The following DNAJC13 variants were observed in gnomAD, a reference collection of about 807,000 sequenced individuals.
DNAJC13 encodes DnaJ heat shock protein family (Hsp40) member C13.
Under a neutral mutation model 290.5 loss-of-function variants are expected in DNAJC13, and 75 were observed. The ratio of observed to expected loss-of-function variants is 0.26; its 90% CI spans 0.21 to 0.31. DNAJC13 has a LOEUF of 0.31. Among genes scored for constraint, DNAJC13 ranks in the 10% least tolerant of loss-of-function variants. The probability of loss-of-function intolerance (pLI) is 1.00; values close to 1 mark genes in which losing one functional copy is unlikely to be tolerated. For synonymous variants in DNAJC13, 862 were observed against 892.0 expected (o/e 0.97, Z 0.60); for missense variants, 2,260 against 2,674.5 (o/e 0.85, Z 3.42).
chr3:132,500,899 C>T lies in DNAJC13; in HGVS notation c.4522C>T (p.Leu1508=), dbSNP rs917186066. The change falls in exon 39 of 56, where the codon CTA becomes TTA. Residue 1508 remains leucine, a synonymous_variant. Transcript: ENST00000260818. ...CATCATCAAGGATCTCTGTCGGGTA[C>T]TATATTTTGGCAAGGTAGGGTTAAT... ...PSIIKDLCRV[L]YFGKSIPRVA... is the part of the protein sequence containing the mutation. 4.3e-6 allele frequency: 7 copies of T among 1,613,720 alleles called. No homozygotes were observed. The African/African-American group carries it at 5.3e-5, about 12-fold the overall frequency.
chr3:132,492,295 G>T, intron 32 of DNAJC13, 119 bp from the exon 33 acceptor site: 1 of 1,094,838 alleles, frequency 9.1e-7, no homozygotes, highest in Admixed American at 2.2e-5. Flanking sequence ...CTCATTTTAG[G>T]ATAATCATTG....
At chr3:132,448,585 A>G (rs1240233913) in intron 5 of DNAJC13, among the ~76,000 whole-genome samples, 3 of 152,182 alleles carry the variant, frequency 2.0e-5, no homozygotes, top group African/African-American at 7.2e-5. Flanking sequence ...ATTAGCAAGT[A>G]TTACTTTTAT....
chr3:132,460,976 A>G, intron 14 of DNAJC13, 74 bp from the exon 15 acceptor site: 2 of 1,378,826 alleles, frequency 1.5e-6, no homozygotes, highest in Non-Finnish European at 2.0e-6. Context: ...ACAGAAAGGA[A>G]CACATTATTG....
intron 51 of DNAJC13, among the ~76,000 whole-genome samples, chr3:132,524,839 TG>T (rs1936202622): frequency 6.6e-6 from 1 of 152,200 alleles, no homozygotes; most frequent in South Asian, 2.1e-4. Context: ...GTGCATCTAG[TG>T]GTATAAGCTG....
At chr3:132,437,581 C>T (rs1016229827) in intron 2 of DNAJC13, among the ~76,000 whole-genome samples, 8 of 152,176 alleles carry the variant, frequency 5.3e-5, no homozygotes, top group Non-Finnish European at 1.0e-4. Flanking sequence ...GTTCTTTCCA[C>T]TTGAATTGTT....
chr3:132,443,962 G>A (rs1023172428), intron 2 of DNAJC13, among the ~76,000 whole-genome samples: 21 of 152,132 alleles, frequency 1.4e-4, no homozygotes, highest in Admixed American at 6.5e-4. Context: ...GTAAAATTCA[G>A]TTGCCTTAGC....
chr3:132,538,279 T>C lies in DNAJC13; in HGVS notation c.6729T>C (p.Thr2243=). 1 of 1,613,032 alleles carries C rather than the reference T, an allele frequency of 6.2e-7. No individual in the cohort carries two copies. Among genetic ancestry groups the C allele is most frequent in the South Asian group, 1.1e-5 (1 of 90,984 alleles). Residue 2243 remains threonine, a synonymous_variant, in exon 56 of 56, where the codon ACT becomes ACC. Coordinates refer to ENST00000260818, the MANE Select transcript of DNAJC13 (RefSeq NM_015268.4). ...AGGCAGGCGACCTTGGCTATCAGAC[T>C]TGAAATATTCACGAGAGACAATAAA... The part of the protein sequence containing the change: ...DHEAGDLGYQ[T]
rs1935388613 is a variant in DNAJC13 at position 132,500,931 on chromosome 3, T to C, written c.4536+18T>C. The C allele has an allele frequency of 5.0e-6, 8 of 1,612,894 alleles. No homozygotes were observed. Among genetic ancestry groups the C allele is most frequent in the Non-Finnish European group, 5.1e-6 (6 of 1,179,234 alleles). ...TTGGCAAGGTAGGGTTAATCTTTAA[T>C]GCTTTCTAGATACAGACAGCAAAGT... On this transcript the variant is annotated intron_variant, in intron 39 of 55. Coordinates refer to ENST00000260818, the MANE Select transcript of DNAJC13 (RefSeq NM_015268.4).
At chr3:132,499,081 T>A (rs1458179674) in intron 36 of DNAJC13, 45 bp from the exon 37 acceptor site, 1 of 1,474,550 alleles carries the variant, frequency 6.8e-7, no homozygotes, top group South Asian at 1.3e-5. Flanking sequence ...CACAACATAA[T>A]CAATTTTGTT....
At chr3:132,489,057 G>T (rs753224121) in intron 31 of DNAJC13, 36 bp downstream of exon 31, 80 of 1,579,788 alleles carry the variant, frequency 5.1e-5, no homozygotes, top group Non-Finnish European at 6.9e-5. Flanking sequence ...CTTAACCCTG[G>T]GTAAGCTGTT....
At chr3:132,461,325 T>C in intron 15 of DNAJC13, 120 bp downstream of exon 15, 3 of 1,021,526 alleles carry the variant, frequency 2.9e-6, no homozygotes, top group Non-Finnish European at 1.5e-6. Flanking sequence ...TCGTTTGGCT[T>C]TCCTGGGCCA....
intron 20 of DNAJC13, among the ~76,000 whole-genome samples, chr3:132,467,531 T>G (rs1171710764): frequency 6.6e-6 from 1 of 152,206 alleles, no homozygotes; most frequent in Non-Finnish European, 1.5e-5. Context: ...AGTGGAGCGA[T>G]CTCGTCTCAC....
Position 132,469,535 on chromosome 3 carries a change from A to G in DNAJC13, c.2208+2222A>G, listed in dbSNP as rs575842954. Reference sequence around the variant, plus strand: ...GGAGAGCTTTTTGTCCTTTTTCTGTATAGCATTTACATTTTTATTACTCTG... The same window carrying G: ...GGAGAGCTTTTTGTCCTTTTTCTGTGTAGCATTTACATTTTTATTACTCTG... On this transcript the variant is annotated intron_variant, in intron 20 of 55. Transcript: ENST00000260818. Among the ~76,000 whole-genome samples the G allele has an allele frequency of 3.3e-5, 5 of 152,308 alleles. No individual in the cohort carries two copies. The South Asian group carries it at 6.2e-4, about 19-fold the overall frequency.
chr3:132,478,138 A>T lies in DNAJC13; in HGVS notation c.2707A>T (p.Arg903Trp). The change falls in exon 24 of 56, where the codon AGG (arginine) becomes TGG (tryptophan). Residue 903 changes from arginine (R) to tryptophan (W), a missense_variant and splice_region_variant. Physicochemically the swap from Arg to Trp is moderately radical, Grantham distance 101 (BLOSUM62 -3). Coordinates refer to ENST00000260818, the MANE Select transcript of DNAJC13 (RefSeq NM_015268.4). ...DTRYIIGMLE[R>W]CTDKLERDRL... Reference sequence around the variant, plus strand: ...CAGATATATCATTGGAATGTTAGAGAGGGTAAGGATATCATTTAAGGAAAT... The same window carrying T: ...CAGATATATCATTGGAATGTTAGAGTGGGTAAGGATATCATTTAAGGAAAT... 1 of 1,600,902 alleles carries T rather than the reference A, an allele frequency of 6.2e-7. No homozygotes were observed. The highest frequency in any genetic ancestry group is 8.5e-7 in the Non-Finnish European group (1 of 1,176,192).
intron 43 of DNAJC13, among the ~76,000 whole-genome samples, chr3:132,509,698 C>A (rs1370027310): frequency 4.6e-5 from 7 of 152,188 alleles, no homozygotes; most frequent in African/African-American, 1.7e-4. Context: ...GCAACCACCA[C>A]CCTGATTAGT....
chr3:132,479,297 A>G lies in DNAJC13; in HGVS notation c.2772+8A>G, dbSNP rs770440524. 10 of 1,568,164 alleles carry G rather than the reference A, an allele frequency of 6.4e-6. No homozygotes were observed. Among genetic ancestry groups the G allele is most frequent in the Admixed American group, 5.0e-5 (3 of 59,592 alleles). On this transcript the variant is annotated splice_region_variant and intron_variant, in intron 25 of 55. Transcript: ENST00000260818. ...AAGTTGATCCTTAATAAGGTACAGTAGTTTCGCATACATACATTGTTATTT... is the reference window on the plus strand; with the variant it reads ...AAGTTGATCCTTAATAAGGTACAGTGGTTTCGCATACATACATTGTTATTT...
At chr3:132,458,928 C>G (rs1933704355) in intron 13 of DNAJC13, among the ~76,000 whole-genome samples, 1 of 152,124 alleles carries the variant, frequency 6.6e-6, no homozygotes, top group Non-Finnish European at 1.5e-5. Flanking sequence ...GTATTTTTCT[C>G]AATCTGTCAG....
intron 51 of DNAJC13, among the ~76,000 whole-genome samples, chr3:132,525,072 G>T (rs1439473077): frequency 6.6e-6 from 1 of 152,154 alleles, no homozygotes; most frequent in Non-Finnish European, 1.5e-5. Context: ...TGGGCGCGGT[G>T]GCTCACGCCT....
intron 15 of DNAJC13, among the ~76,000 whole-genome samples, chr3:132,461,883 G>A (rs895105891): frequency 2.6e-5 from 4 of 151,916 alleles, no homozygotes; most frequent in African/African-American, 9.7e-5. Flanking sequence ...TGTAGAGACG[G>A]GGTCTCCCTT....
Sources: allele counts gnomAD v4.1 joint callset (sites outside exome capture counted in the v4.1 genomes callset), GRCh38; gene constraint gnomAD v4.1.1; transcripts MANE v1.5; gene names NCBI Gene and HGNC (gene_info 2026-07-23, HGNC 2026-07-21).